MYBL1: variants seen among roughly 807,000 people sequenced by gnomAD.
MYBL1 encodes myb-related protein A.
Under a neutral mutation model 96.3 loss-of-function variants are expected in MYBL1, and 17 were observed. The ratio of observed to expected loss-of-function variants is 0.18; its 90% CI spans 0.12 to 0.26. MYBL1 has a LOEUF of 0.26. Among genes scored for constraint, MYBL1 ranks in the 10% least tolerant of loss-of-function variants. The pLI is 1.00. For missense variants in MYBL1, 701 were observed against 882.9 expected, an observed-to-expected ratio of 0.79 and a Z score of 2.61; for synonymous variants, 282 against 292.7, an observed-to-expected ratio of 0.96 and a Z score of 0.37.
intron 11 of MYBL1, 49 bp downstream of exon 11, chr8:66,573,315 A>T (rs1413852742): frequency 6.6e-7 from 1 of 1,522,170 alleles, no homozygotes. Flanking sequence ...ATCTACTTTA[A>T]CACTGTGCTC....
intron 10 of MYBL1, among the ~76,000 whole-genome samples, chr8:66,573,797 C>T (rs1049120913): frequency 2.0e-5 from 3 of 151,958 alleles, no homozygotes; most frequent in African/African-American, 7.2e-5. Context: ...ATTTAAAAAA[C>T]AGTATATTAT....
chr8:66,582,077 A>G (rs1809233677), intron 8 of MYBL1, among the ~76,000 whole-genome samples: 1 of 152,234 alleles, frequency 6.6e-6, no homozygotes, highest in Non-Finnish European at 1.5e-5. Flanking sequence ...CCACTGTACT[A>G]CAGAAAACCA....
intron 9 of MYBL1, among the ~76,000 whole-genome samples, chr8:66,576,909 A>G (rs1808977145): frequency 6.6e-6 from 1 of 152,234 alleles, no homozygotes; most frequent in African/African-American, 2.4e-5. Flanking sequence ...CCTGGGATGC[A>G]AGGCTGGTTC....
Position 66,566,893 on chromosome 8 carries a change from T to C in MYBL1, c.1828A>G (p.Lys610Glu), listed in dbSNP as rs1307059665. The change falls in exon 13 of 16, where the codon AAA (lysine) becomes GAA (glutamate). Residue 610 changes from lysine to glutamate, a missense_variant. By Grantham distance (56) the Lys-to-Glu change is moderately conservative (BLOSUM62 1). Coordinates refer to ENST00000522677, the MANE Select transcript of MYBL1 (RefSeq NM_001080416.4). Reference sequence around the variant, plus strand: ...AAGATTACCTCTTGTTTGCAGCTTTTGTAAGCAGGTTCATCTTCCTCTTTG... The same window carrying C: ...AAGATTACCTCTTGTTTGCAGCTTTCGTAAGCAGGTTCATCTTCCTCTTTG... Reference protein sequence around the residue: ...FLKEEDEPAYKSCKQENTASG... With the variant: ...FLKEEDEPAYESCKQENTASG... 1.9e-6 allele frequency: 3 copies of C among 1,612,224 alleles called. No individual in the cohort carries two copies. In the African/African-American group the frequency reaches 4.0e-5, roughly 21 times the overall value.
At chr8:66,590,312 A>C (rs1432632999) in intron 8 of MYBL1, among the ~76,000 whole-genome samples, 2 of 152,116 alleles carry the variant, frequency 1.3e-5, no homozygotes, top group African/African-American at 4.8e-5. Context: ...ATAAACAAAC[A>C]AACCCTTTTC....
chr8:66,613,129 G>A lies in MYBL1; in HGVS notation c.-291C>T, dbSNP rs1810603668. 2.5e-6 allele frequency: 1 copy of A among 402,626 alleles called. No homozygotes were observed. The highest frequency in any genetic ancestry group is 4.4e-6 in the Non-Finnish European group (1 of 227,844). 24.9% of individuals were successfully genotyped at this position (402,626 alleles called of 1,614,324 possible). A position where few individuals can be genotyped will look rare whatever the true frequency, so the allele number is the denominator to read the frequency against. On this transcript the variant is annotated 5_prime_UTR_variant, in exon 1 of 16. Coordinates refer to ENST00000522677, the MANE Select transcript of MYBL1 (RefSeq NM_001080416.4). ...ATCCCGCCCTCCGCCGGCTTCTCCC[G>A]CCGCTTGTCAGCCTCCCTGCCCTGG...
chr8:66,573,379 T>G lies in MYBL1; in HGVS notation c.1598A>C (p.Gln533Pro), dbSNP rs193036459. The change falls in exon 11 of 16, where the codon CAA becomes CCA. Residue 533 changes from glutamine (Q) to proline (P), a missense_variant. Gln to Pro is a moderately conservative substitution (Grantham distance 76, BLOSUM62 -1). This residue lies in a region of MYBL1 where 396 missense variants were observed against 407.4 expected (regional missense o/e 0.97). Transcript: ENST00000522677. The part of the protein sequence containing the change: ...PLHKETTPKD[Q>P]KENVGFRTPT... Reference sequence around the variant, plus strand: ...ACCTACTTACCCTACATTTTCCTTTTGATCTTTGGGAGTTGTTTCCTTATG... The same window carrying G: ...ACCTACTTACCCTACATTTTCCTTTGGATCTTTGGGAGTTGTTTCCTTATG... 1 of 1,609,504 alleles carries G rather than the reference T, an allele frequency of 6.2e-7. No homozygotes were observed. Among genetic ancestry groups the G allele is most frequent in the Non-Finnish European group, 8.5e-7 (1 of 1,178,454 alleles).
intron 8 of MYBL1, among the ~76,000 whole-genome samples, chr8:66,583,757 A>C (rs1258754263): frequency 6.6e-6 from 1 of 152,214 alleles, no homozygotes; most frequent in Non-Finnish European, 1.5e-5. Context: ...ATCAAGATTG[A>C]ACCAAGAAGA....
intron 1 of MYBL1, among the ~76,000 whole-genome samples, chr8:66,604,569 T>C (rs1002870171): frequency 4.6e-5 from 7 of 151,388 alleles, no homozygotes; most frequent in Non-Finnish European, 8.8e-5. Context: ...AGTGAAGCAA[T>C]TATTTACATT....
intron 9 of MYBL1, among the ~76,000 whole-genome samples, chr8:66,578,388 AAAAC>A (rs1809055838): frequency 1.3e-5 from 2 of 152,298 alleles, no homozygotes; most frequent in South Asian, 4.1e-4. Context: ...TTACAAGAAA[AAAAC>A]AAACAACCCT....
At chr8:66,604,513 A>T (rs866010639) in intron 1 of MYBL1, among the ~76,000 whole-genome samples, 7 of 143,674 alleles carry the variant, frequency 4.9e-5, no homozygotes, top group Admixed American at 3.5e-4. Flanking sequence ...TTTCAAAATT[A>T]AAAAAAAAAA....
At chr8:66,601,165 G>A (rs912520586) in intron 3 of MYBL1, among the ~76,000 whole-genome samples, 19 of 83,360 alleles carry the variant, frequency 2.3e-4, no homozygotes, top group Admixed American at 8.1e-4. Context: ...CAACAAGAGC[G>A]AAACTCCGTC....
chr8:66,606,763 C>T (rs1041164393), intron 1 of MYBL1, among the ~76,000 whole-genome samples: 1 of 151,970 alleles, frequency 6.6e-6, no homozygotes, highest in Non-Finnish European at 1.5e-5. Context: ...AACAATAATC[C>T]ACCAGTTCTC....
intron 5 of MYBL1, 77 bp downstream of exon 5, chr8:66,597,253 T>G: frequency 9.6e-7 from 1 of 1,045,424 alleles, no homozygotes; most frequent in Non-Finnish European, 1.3e-6. Flanking sequence ...CATCGGGGAC[T>G]TGCAAATGTA....
chr8:66,584,263 T>A (rs1809326500), intron 8 of MYBL1, among the ~76,000 whole-genome samples: 1 of 152,050 alleles, frequency 6.6e-6, no homozygotes, highest in African/African-American at 2.4e-5. Context: ...ACAGCCAACA[T>A]CATACTGAAC....
Position 66,566,095 on chromosome 8 carries a change from G to C in MYBL1, c.2099C>G (p.Ser700Cys). The part of the protein sequence containing the change: ...LTKKKPNPNT[S>C]KVVKLEKNLQ... Reference sequence around the variant, plus strand: ...ATTCTTTTCCAATTTGACAACTTTGGAAGTGTTAGGGTTTGGTTTCTTTTT... The same window carrying C: ...ATTCTTTTCCAATTTGACAACTTTGCAAGTGTTAGGGTTTGGTTTCTTTTT... Residue 700 changes from serine (S) to cysteine (C), a missense_variant, in exon 15 of 16, where the codon TCC becomes TGC. This residue lies in a region of MYBL1 where 137 missense variants were observed against 137.5 expected (regional missense o/e 1.00). Coordinates refer to ENST00000522677, the MANE Select transcript of MYBL1 (RefSeq NM_001080416.4). 1 of 1,535,638 alleles carries C rather than the reference G, an allele frequency of 6.5e-7. No individual in the cohort carries two copies. Among genetic ancestry groups the C allele is most frequent in the Non-Finnish European group, 8.8e-7 (1 of 1,139,146 alleles).
At chr8:66,581,598 C>A (rs1222763133) in intron 8 of MYBL1, among the ~76,000 whole-genome samples, 1 of 152,062 alleles carries the variant, frequency 6.6e-6, no homozygotes, top group African/African-American at 2.4e-5. Context: ...ATCACTTGAA[C>A]CCAGGAAGTC....
intron 8 of MYBL1, among the ~76,000 whole-genome samples, chr8:66,591,841 ATG>A (rs998714937): frequency 4.6e-5 from 7 of 152,134 alleles, no homozygotes; most frequent in Admixed American, 3.3e-4. Context: ...ACAAATATAT[ATG>A]TGTGTATATT....
intron 9 of MYBL1, among the ~76,000 whole-genome samples, chr8:66,578,431 G>A (rs1259272179): frequency 6.6e-6 from 1 of 152,222 alleles, no homozygotes; most frequent in African/African-American, 2.4e-5. Context: ...GATATCAACA[G>A]ACACTTCTCA....
Sources: gnomAD v4.1 joint callset for allele counts (sites outside exome capture counted in the v4.1 genomes callset) on GRCh38, gnomAD v4.1.1 for gene constraint, gnomAD v4.1.1 regional missense constraint, MANE v1.5 for transcripts, NCBI Gene and HGNC (gene_info 2026-07-23, HGNC 2026-07-21) for gene names.